Variants in PIP4K2A observed in about 807,000 individuals in gnomAD.
PIP4K2A encodes the protein phosphatidylinositol-5-phosphate 4-kinase type 2 alpha, also known as phosphatidylinositol 5-phosphate 4-kinase type-2 alpha.
PIP4K2A carries 14 observed loss-of-function variants against 42.9 expected under a neutral mutation model. The ratio of observed to expected loss-of-function variants is 0.33; its 90% CI spans 0.22 to 0.51. The LOEUF (loss-of-function observed/expected upper bound fraction) is 0.51. Ranked by LOEUF, PIP4K2A falls within the 20% of genes least tolerant of loss-of-function variation. PIP4K2A has a pLI of 0.97. For missense variants in PIP4K2A, 434 were observed against 519.8 expected (o/e 0.83, Z 1.61); for synonymous variants, 192 against 192.2 (o/e 1.00, Z 0.01).
intron 1 of PIP4K2A, among the ~76,000 whole-genome samples, chr10:22,637,708 CCAT>C (rs1245988565): frequency 6.6e-6 from 1 of 152,178 alleles, no homozygotes; most frequent in East Asian, 1.9e-4. Context: ...GCTGCAGCAA[CCAT>C]GCTGCCCAGA....
At chr10:22,644,728 G>C (rs1838846876) in intron 1 of PIP4K2A, among the ~76,000 whole-genome samples, 1 of 152,192 alleles carries the variant, frequency 6.6e-6, no homozygotes, top group South Asian at 2.1e-4. Flanking sequence ...TGTAAGACAG[G>C]ACAGTAGGGA....
intron 3 of PIP4K2A, among the ~76,000 whole-genome samples, chr10:22,606,858 T>A (rs1837917596): frequency 6.6e-6 from 1 of 152,188 alleles, no homozygotes; most frequent in South Asian, 2.1e-4. Flanking sequence ...TATTTCAGAT[T>A]TTTTCAGATT....
chr10:22,571,860 C>T (rs1485940629), intron 5 of PIP4K2A, among the ~76,000 whole-genome samples: 1 of 152,180 alleles, frequency 6.6e-6, no homozygotes, highest in Non-Finnish European at 1.5e-5. Context: ...ACAGGACATT[C>T]CAACTATCTC....
intron 7 of PIP4K2A, among the ~76,000 whole-genome samples, chr10:22,549,927 T>C (rs2130758400): frequency 6.7e-6 from 1 of 150,212 alleles, no homozygotes; most frequent in South Asian, 2.1e-4. Context: ...TATAAAAGAC[T>C]TAAATAATGA....
intron 6 of PIP4K2A, among the ~76,000 whole-genome samples, chr10:22,562,311 G>A (rs1231722763): frequency 6.6e-6 from 1 of 152,222 alleles, no homozygotes; most frequent in Non-Finnish European, 1.5e-5. Context: ...CACTTTGGGA[G>A]GCCGAGGCGG....
intron 3 of PIP4K2A, 105 bp downstream of exon 3, chr10:22,607,822 T>C (rs973009029): frequency 3.2e-6 from 2 of 630,620 alleles, no homozygotes; most frequent in Non-Finnish European, 2.8e-6. Flanking sequence ...AAAATTACTA[T>C]TATATAATAC....
intron 1 of PIP4K2A, among the ~76,000 whole-genome samples, chr10:22,638,650 T>C (rs1838717934): frequency 6.6e-6 from 1 of 152,186 alleles, no homozygotes; most frequent in Non-Finnish European, 1.5e-5. Context: ...TGAACAGGGA[T>C]CAATTTTTGA....
At chr10:22,673,059 C>T (rs1440504243) in intron 1 of PIP4K2A, among the ~76,000 whole-genome samples, 1 of 152,160 alleles carries the variant, frequency 6.6e-6, no homozygotes, top group Non-Finnish European at 1.5e-5. Context: ...GTGCTCTGAA[C>T]ACACTTGGGG....
At chr10:22,545,869 A>G (rs192743215) in intron 7 of PIP4K2A, among the ~76,000 whole-genome samples, 238 of 152,126 alleles carry the variant, frequency 1.6e-3, no homozygotes, top group Middle Eastern at 6.8e-3. Context: ...ATGCCCAGCT[A>G]ATTATTTTTT....
At chr10:22,612,466 T>G (rs943893937) in intron 1 of PIP4K2A, among the ~76,000 whole-genome samples, 2 of 152,148 alleles carry the variant, frequency 1.3e-5, no homozygotes, top group Non-Finnish European at 2.9e-5. Flanking sequence ...GAGGGGACAC[T>G]GTTAATGGGA....
intron 3 of PIP4K2A, among the ~76,000 whole-genome samples, chr10:22,602,437 G>GA (rs1163086835): frequency 6.7e-6 from 1 of 150,272 alleles, no homozygotes; most frequent in Non-Finnish European, 1.5e-5. Flanking sequence ...GAAAGAAAAA[G>GA]AAAAAAGAAA....
At chr10:22,582,106 AAG>A (rs1165253126) in intron 4 of PIP4K2A, among the ~76,000 whole-genome samples, 2 of 149,476 alleles carry the variant, frequency 1.3e-5, no homozygotes, top group African/African-American at 5.2e-5. Flanking sequence ...TGTCTCAAAA[AAG>A]AAAAAAAAAA....
intron 1 of PIP4K2A, chr10:22,661,709 G>C (rs1374444481): frequency 6.6e-6 from 1 of 152,054 alleles, no homozygotes; most frequent in East Asian, 1.9e-4. Flanking sequence ...TGAGGACAAG[G>C]GACTTGCTTT....
intron 3 of PIP4K2A, among the ~76,000 whole-genome samples, chr10:22,595,829 G>A (rs1564435570): frequency 6.6e-6 from 1 of 152,168 alleles, no homozygotes; most frequent in East Asian, 1.9e-4. Context: ...TTAGTTTCCG[G>A]GTCTATGAAG....
chr10:22,555,075 G>T (rs890334418), intron 6 of PIP4K2A, among the ~76,000 whole-genome samples: 3 of 152,166 alleles, frequency 2.0e-5, no homozygotes, highest in Non-Finnish European at 4.4e-5. Context: ...CGTTCCCCCC[G>T]CAGCCTGGCT....
intron 1 of PIP4K2A, among the ~76,000 whole-genome samples, chr10:22,663,579 T>A (rs949166766): frequency 3.3e-5 from 5 of 152,098 alleles, no homozygotes; most frequent in East Asian, 1.9e-4. Context: ...GGGGCTTATA[T>A]CAGAAAGCTA....
chr10:22,568,520 C>T (rs1564424400), intron 5 of PIP4K2A, among the ~76,000 whole-genome samples: 1 of 152,186 alleles, frequency 6.6e-6, no homozygotes, highest in Non-Finnish European at 1.5e-5. Flanking sequence ...GTTATTTGTA[C>T]CTCTTTTGTG....
At chr10:22,604,925 C>T (rs902295290) in intron 3 of PIP4K2A, among the ~76,000 whole-genome samples, 48 of 152,206 alleles carry the variant, frequency 3.2e-4, no homozygotes, top group African/African-American at 1.1e-3. Flanking sequence ...CCGCCTGCCG[C>T]CTGAATCCCT....
intron 1 of PIP4K2A, among the ~76,000 whole-genome samples, chr10:22,645,549 TAA>T (rs71395807): frequency 2.1e-3 from 261 of 126,894 alleles, no homozygotes; most frequent in African/African-American, 6.2e-3. Flanking sequence ...TCTATTTCTT[TAA>T]AAAAAAAAAA....
Sources: gnomAD v4.1 joint callset for allele counts (sites outside exome capture counted in the v4.1 genomes callset) on GRCh38, gnomAD v4.1.1 for gene constraint, MANE v1.5 for transcripts, NCBI Gene and HGNC (gene_info 2026-07-23, HGNC 2026-07-21) for gene names.